The following ADCY8 variants were observed in gnomAD, a reference collection of about 807,000 sequenced individuals.
ADCY8 encodes adenylate cyclase type 8.
Under a neutral mutation model 119.7 loss-of-function variants are expected in ADCY8, and 51 were observed. That is an observed-to-expected ratio of 0.43 (90% CI 0.34 to 0.54). ADCY8 has a LOEUF of 0.54. Among genes scored for constraint, ADCY8 ranks in the 20% least tolerant of loss-of-function variants. ADCY8 has a pLI of 0.03. For missense variants in ADCY8, 1,383 were observed against 1,598.8 expected, an observed-to-expected ratio of 0.87 and a Z score of 2.30; for synonymous variants, 665 against 651.0, an observed-to-expected ratio of 1.02 and a Z score of -0.33.
chr8:131,029,784 A>G (rs1823940025), intron 1 of ADCY8, among the ~76,000 whole-genome samples: 1 of 149,916 alleles, frequency 6.7e-6, no homozygotes, highest in Non-Finnish European at 1.5e-5. Context: ...CTGTATTGAC[A>G]GAGAGACTGA....
At chr8:130,788,422 G>A (rs774128604) in intron 15 of ADCY8, among the ~76,000 whole-genome samples, 5 of 152,172 alleles carry the variant, frequency 3.3e-5, no homozygotes, top group Non-Finnish European at 7.3e-5. Flanking sequence ...TCACACATAT[G>A]TGGAATCTAC....
intron 11 of ADCY8, among the ~76,000 whole-genome samples, chr8:130,837,108 T>C (rs778515917): frequency 7.2e-5 from 11 of 152,100 alleles, no homozygotes; most frequent in Non-Finnish European, 1.6e-4. Context: ...CACCAACAGC[T>C]CTAGAATAGC....
At chr8:130,869,194 C>T (rs1818236266) in intron 8 of ADCY8, among the ~76,000 whole-genome samples, 1 of 152,142 alleles carries the variant, frequency 6.6e-6, no homozygotes, top group African/African-American at 2.4e-5. Context: ...GTATTGAGGC[C>T]TCTGTCCACT....
chr8:131,011,680 G>A (rs1191626373), intron 1 of ADCY8, among the ~76,000 whole-genome samples: 1 of 152,164 alleles, frequency 6.6e-6, no homozygotes, highest in Admixed American at 6.5e-5. Context: ...ACCTGGCTTG[G>A]GGAGAATACT....
chr8:131,016,143 A>G (rs980327245), intron 1 of ADCY8, among the ~76,000 whole-genome samples: 1 of 152,172 alleles, frequency 6.6e-6, no homozygotes, highest in African/African-American at 2.4e-5. Flanking sequence ...ATAGAAGGTA[A>G]AAAGTAATTT....
At chr8:131,005,744 G>C (rs1467766993) in intron 1 of ADCY8, among the ~76,000 whole-genome samples, 2 of 152,140 alleles carry the variant, frequency 1.3e-5, no homozygotes, top group African/African-American at 4.8e-5. Flanking sequence ...TTCCTCTACT[G>C]TAGAGGAGCT....
intron 2 of ADCY8, among the ~76,000 whole-genome samples, chr8:130,978,374 A>C (rs189598057): frequency 4.7e-4 from 72 of 152,334 alleles, no homozygotes; most frequent in Admixed American, 2.9e-3. Flanking sequence ...CAACAAGAAC[A>C]TTCTCTGTTG....
At chr8:131,011,856 G>A (rs1275092720) in intron 1 of ADCY8, among the ~76,000 whole-genome samples, 1 of 152,144 alleles carries the variant, frequency 6.6e-6, no homozygotes, top group Non-Finnish European at 1.5e-5. Context: ...GGGTGCAGCT[G>A]AAGAGCCATC....
At chr8:130,945,914 A>T (rs908331949) in intron 3 of ADCY8, among the ~76,000 whole-genome samples, 1 of 152,186 alleles carries the variant, frequency 6.6e-6, no homozygotes, top group African/African-American at 2.4e-5. Context: ...CATTTTATGG[A>T]ACTGAGGCCT....
At chr8:130,853,874 T>C (rs1817621496) in intron 9 of ADCY8, among the ~76,000 whole-genome samples, 1 of 152,236 alleles carries the variant, frequency 6.6e-6, no homozygotes. Context: ...CCTCTGAGAA[T>C]TACTTTTTAA....
intron 1 of ADCY8, among the ~76,000 whole-genome samples, chr8:131,017,221 C>T (rs1045648812): frequency 8.5e-5 from 13 of 152,108 alleles, no homozygotes; most frequent in African/African-American, 2.9e-4. Context: ...AGGCATGTGC[C>T]ACCACGCCCG....
intron 3 of ADCY8, among the ~76,000 whole-genome samples, chr8:130,947,814 A>G (rs1292597987): frequency 6.6e-6 from 1 of 152,238 alleles, no homozygotes; most frequent in Non-Finnish European, 1.5e-5. Flanking sequence ...CAGGGCCAAT[A>G]GGAAATGGGA....
intron 14 of ADCY8, among the ~76,000 whole-genome samples, chr8:130,803,410 A>G (rs1245199201): frequency 2.6e-5 from 4 of 152,222 alleles, no homozygotes; most frequent in Admixed American, 2.6e-4. Flanking sequence ...TGTGGATTCC[A>G]TGAGGGCAAA....
intron 15 of ADCY8, among the ~76,000 whole-genome samples, chr8:130,800,185 G>C (rs775299571): frequency 2.0e-5 from 3 of 152,072 alleles, no homozygotes; most frequent in Non-Finnish European, 2.9e-5. Context: ...TGTGACACTG[G>C]GTTATGTTAC....
chr8:131,031,943 A>G (rs889462449), intron 1 of ADCY8, among the ~76,000 whole-genome samples: 6 of 152,084 alleles, frequency 3.9e-5, no homozygotes, highest in Admixed American at 3.3e-4. Context: ...AGTAGTTTCT[A>G]TTTTATAAGC....
intron 2 of ADCY8, among the ~76,000 whole-genome samples, chr8:130,955,364 G>C (rs1563743864): frequency 6.6e-6 from 1 of 152,090 alleles, no homozygotes; most frequent in Non-Finnish European, 1.5e-5. Flanking sequence ...GCAAAGAAGG[G>C]CCAGTATCTA....
intron 15 of ADCY8, among the ~76,000 whole-genome samples, chr8:130,789,832 G>C (rs1195102127): frequency 6.6e-5 from 10 of 152,154 alleles, no homozygotes; most frequent in African/African-American, 2.4e-4. Flanking sequence ...ACTTGGTTGA[G>C]TTGCAAAATT....
intron 2 of ADCY8, among the ~76,000 whole-genome samples, chr8:130,962,584 A>G (rs141238387): frequency 8.1e-4 from 124 of 152,340 alleles, no homozygotes; most frequent in Non-Finnish European, 1.3e-3. Flanking sequence ...ACAGGCATCA[A>G]TTGCTACAGT....
intron 15 of ADCY8, among the ~76,000 whole-genome samples, chr8:130,791,186 A>T (rs1815415619): frequency 6.6e-6 from 1 of 152,252 alleles, no homozygotes; most frequent in African/African-American, 2.4e-5. Context: ...GAAATTTTAC[A>T]GCAGGCTGTA....
Sources: gnomAD v4.1 joint callset for allele counts (sites outside exome capture counted in the v4.1 genomes callset) on GRCh38, gnomAD v4.1.1 for gene constraint, MANE v1.5 for transcripts, NCBI Gene and HGNC (gene_info 2026-07-23, HGNC 2026-07-21) for gene names.